Variants in LMBRD1 observed in about 807,000 individuals in gnomAD.
LMBRD1 encodes lysosomal cobalamin transport escort protein LMBD1.
A neutral mutation model predicts 74.8 loss-of-function variants in LMBRD1; 64 were observed. The observed-to-expected ratio is 0.86, with a 90% CI of 0.70 to 1.05. The LOEUF (loss-of-function observed/expected upper bound fraction) is 1.05. Among genes scored for constraint, LMBRD1 ranks in the 50% least tolerant of loss-of-function variants. LMBRD1 has a pLI of 0.00. For synonymous variants in LMBRD1, 204 were observed against 216.3 expected, an observed-to-expected ratio of 0.94 and a Z score of 0.50; for missense variants, 652 against 645.9, an observed-to-expected ratio of 1.01 and a Z score of -0.10.
intron 6 of LMBRD1, among the ~76,000 whole-genome samples, chr6:69,738,603 C>T (rs1021425332): frequency 9.7e-5 from 12 of 123,334 alleles, no homozygotes; most frequent in African/African-American, 6.5e-4. Flanking sequence ...TAAAAATACA[C>T]ACACACACAC....
Position 69,699,197 on chromosome 6 carries a change from A to G in LMBRD1, c.1189-5T>C. ...ACCTCTTCTGATTTTATATAACTGGAAAGAAAAGAGTGACAAAATTTCAGC... is the reference window on the plus strand; with the variant it reads ...ACCTCTTCTGATTTTATATAACTGGGAAGAAAAGAGTGACAAAATTTCAGC... On this transcript the variant is annotated splice_polypyrimidine_tract_variant and splice_region_variant and intron_variant, in intron 12 of 15. Coordinates refer to ENST00000649934, the MANE Select transcript of LMBRD1 (RefSeq NM_018368.4). 1 of 1,610,454 alleles carries G rather than the reference A, an allele frequency of 6.2e-7. No individual in the cohort carries two copies. Among genetic ancestry groups the G allele is most frequent in the Non-Finnish European group, 8.5e-7 (1 of 1,177,198 alleles).
intron 4 of LMBRD1, among the ~76,000 whole-genome samples, chr6:69,750,755 A>G (rs1027935613): frequency 3.9e-5 from 6 of 152,136 alleles, no homozygotes; most frequent in African/African-American, 7.2e-5. Flanking sequence ...TACTTTACAT[A>G]CCTTGGTTTT....
At chr6:69,745,344 C>G (rs963473096) in intron 5 of LMBRD1, among the ~76,000 whole-genome samples, 2 of 149,592 alleles carry the variant, frequency 1.3e-5, no homozygotes, top group African/African-American at 2.5e-5. Context: ...CTGCAAGCTC[C>G]GCTTCCCGGG....
At chr6:69,679,619 A>G (rs994573390) in intron 14 of LMBRD1, among the ~76,000 whole-genome samples, 3 of 152,148 alleles carry the variant, frequency 2.0e-5, no homozygotes, top group African/African-American at 7.2e-5. Context: ...CAAGGGTATA[A>G]AAATGAGAAA....
chr6:69,708,096 A>C (rs963118202), intron 9 of LMBRD1, among the ~76,000 whole-genome samples: 30 of 152,152 alleles, frequency 2.0e-4, no homozygotes, highest in Non-Finnish European at 5.9e-5. Context: ...TTTAAAACCT[A>C]ATGATCTAGA....
chr6:69,735,368 C>T (rs1766953265), intron 7 of LMBRD1, among the ~76,000 whole-genome samples: 2 of 151,338 alleles, frequency 1.3e-5, no homozygotes, highest in South Asian at 4.2e-4. Context: ...GACATGGAAA[C>T]AACATGCAAA....
At chr6:69,796,683 T>A in intron 1 of LMBRD1, 130 bp downstream of exon 1, 153 of 658,818 alleles carry the variant, frequency 2.3e-4, no homozygotes, top group East Asian at 3.6e-4. Context: ...TAAGGAGCCC[T>A]CCACAGTCCA....
Position 69,683,490 on chromosome 6 carries a change from C to T in LMBRD1, c.1418-6949G>A, listed in dbSNP as rs183860856. On this transcript the variant is annotated intron_variant, in intron 14 of 15. Transcript: ENST00000649934. ...AGTCATATGAAGCTAAATATAGATG[C>T]TGGAGACCAAAGTATGGCACTTCTT... Among the ~76,000 whole-genome samples the T allele has an allele frequency of 3.7e-4, 57 of 152,120 alleles. 2 individuals carry two copies. The highest frequency in any genetic ancestry group is 1.2e-3 in the African/African-American group (48 of 41,534).
At chr6:69,793,952 T>C (rs573995596) in intron 1 of LMBRD1, among the ~76,000 whole-genome samples, 1 of 152,038 alleles carries the variant, frequency 6.6e-6, no homozygotes, top group East Asian at 1.9e-4. Context: ...ACTCCTGAGC[T>C]CAACTGATCC....
At position 69,720,516 on chromosome 6, in the gene LMBRD1, G is replaced by A. The variant is rs560626241; in HGVS notation, c.637-1435C>T. On this transcript the variant is annotated intron_variant, in intron 7 of 15. Transcript: ENST00000649934. ...ATCTTAAATGGCTGGGACTAGAAGT[G>A]TTTTGGATTTCAGAATTTTTTGGAC... 1.1e-4 allele frequency among the ~76,000 whole-genome samples: 17 copies of A among 152,248 alleles called. No homozygotes were observed. The East Asian group carries it at 2.9e-3, about 26-fold the overall frequency.
intron 3 of LMBRD1, among the ~76,000 whole-genome samples, chr6:69,758,595 C>G (rs1562115330): frequency 5.3e-5 from 8 of 152,112 alleles, no homozygotes. Context: ...TTAGTACTCT[C>G]ATGATGTTAT....
At chr6:69,738,629 C>CACACAA (rs1193154120) in intron 6 of LMBRD1, among the ~76,000 whole-genome samples, 1 of 149,346 alleles carries the variant, frequency 6.7e-6, no homozygotes, top group African/African-American at 2.5e-5. Context: ...CACACACACA[C>CACACAA]AAAATACTAT....
intron 14 of LMBRD1, among the ~76,000 whole-genome samples, chr6:69,679,871 C>T (rs758253654): frequency 7.9e-5 from 12 of 152,016 alleles, no homozygotes; most frequent in Non-Finnish European, 1.2e-4. Context: ...GGCAAAGTGG[C>T]GCTTAATATT....
At chr6:69,770,736 T>A (rs192080671) in intron 3 of LMBRD1, among the ~76,000 whole-genome samples, 3 of 152,306 alleles carry the variant, frequency 2.0e-5, no homozygotes, top group African/African-American at 7.2e-5. Flanking sequence ...ATTCCTGCCC[T>A]AGCACAGTAT....
intron 7 of LMBRD1, among the ~76,000 whole-genome samples, chr6:69,724,744 G>A (rs557402973): frequency 1.3e-5 from 2 of 151,872 alleles, no homozygotes; most frequent in East Asian, 3.9e-4. Context: ...CCATATATGT[G>A]AGGTCCACAG....
intron 3 of LMBRD1, among the ~76,000 whole-genome samples, chr6:69,763,824 GGTT>G (rs1562117371): frequency 1.3e-5 from 2 of 152,112 alleles, no homozygotes; most frequent in African/African-American, 4.8e-5. Context: ...TGCATTGCTA[GGTT>G]TTTTACTTTA....
intron 3 of LMBRD1, among the ~76,000 whole-genome samples, chr6:69,779,185 C>A (rs949290146): frequency 8.2e-3 from 811 of 99,454 alleles, no homozygotes; most frequent in Middle Eastern, 0.019. Context: ...GACTCAGTCT[C>A]AAAAAAAAAA....
At chr6:69,737,380 C>T (rs1766998914) in intron 7 of LMBRD1, among the ~76,000 whole-genome samples, 1 of 151,834 alleles carries the variant, frequency 6.6e-6, no homozygotes, top group African/African-American at 2.4e-5. Context: ...CTTACCACTT[C>T]CAGGAAGACT....
intron 3 of LMBRD1, among the ~76,000 whole-genome samples, chr6:69,768,141 T>C (rs1236346297): frequency 1.3e-5 from 2 of 151,916 alleles, no homozygotes; most frequent in Non-Finnish European, 2.9e-5. Context: ...ACTATGACAA[T>C]CTCATTTGAT....
Sources: allele counts gnomAD v4.1 joint callset (sites outside exome capture counted in the v4.1 genomes callset), GRCh38; gene constraint gnomAD v4.1.1; transcripts MANE v1.5; gene names NCBI Gene and HGNC (gene_info 2026-07-23, HGNC 2026-07-21).